Variants in PRKCQ observed in about 807,000 individuals in gnomAD.
The protein encoded by PRKCQ is protein kinase C theta.
In PRKCQ, 41 loss-of-function variants were observed where a neutral mutation model predicts 91.2. That is an observed-to-expected ratio of 0.45 (90% CI 0.35 to 0.58). The LOEUF is 0.58. Ranked by LOEUF, PRKCQ falls within the 20% of genes least tolerant of loss-of-function variation. PRKCQ has a pLI of 0.00. For synonymous variants in PRKCQ, 307 were observed against 316.9 expected, an observed-to-expected ratio of 0.97 and a Z score of 0.33; for missense variants, 673 against 896.5, an observed-to-expected ratio of 0.75 and a Z score of 3.18.
At chr10:6,528,152 C>A (rs778279986) in intron 1 of PRKCQ, among the ~76,000 whole-genome samples, 8 of 152,050 alleles carry the variant, frequency 5.3e-5, no homozygotes, top group Non-Finnish European at 8.8e-5. Flanking sequence ...TTCCTAAAAC[C>A]CTCTTTGGAA....
chr10:6,450,345 AAT>A (rs1241561096), intron 15 of PRKCQ, among the ~76,000 whole-genome samples: 3 of 135,688 alleles, frequency 2.2e-5, no homozygotes, highest in Non-Finnish European at 4.7e-5. Context: ...GCCATTACAT[AAT>A]GGTAAAGGGA....
At chr10:6,551,117 C>T (rs1840166142) in intron 1 of PRKCQ, among the ~76,000 whole-genome samples, 1 of 152,014 alleles carries the variant, frequency 6.6e-6, no homozygotes, top group Non-Finnish European at 1.5e-5. Context: ...AAGCCTGGTA[C>T]CTAATAGTTA....
rs758937187 is a variant in PRKCQ, at chr10:6,479,139, G to A, written c.1206C>T (p.Thr402=). 3 of 1,613,898 alleles carry A rather than the reference G, an allele frequency of 1.9e-6. No individual in the cohort carries two copies. Among genetic ancestry groups the A allele is most frequent in the African/African-American group, 2.7e-5 (2 of 74,896 alleles). The change falls in exon 12 of 18, where the codon ACC becomes ACT. Residue 402 remains threonine, a synonymous_variant. Transcript: ENST00000263125. ...AGGCCTTTATTGCGAAAAATTGATT[G>A]GTTTTCTTGAATTCTGCCAGGAAGA... is the stretch of plus-strand genomic sequence containing the variant. The part of the protein sequence containing the change: ...GKVFLAEFKK[T]NQFFAIKALK...
intron 1 of PRKCQ, among the ~76,000 whole-genome samples, chr10:6,568,777 C>T (rs547028939): frequency 3.3e-4 from 50 of 152,194 alleles, no homozygotes; most frequent in African/African-American, 1.1e-3. Context: ...AGATAACAGG[C>T]GTGAGCCACC....
intron 14 of PRKCQ, among the ~76,000 whole-genome samples, chr10:6,457,862 A>G (rs1266589815): frequency 6.6e-6 from 1 of 152,116 alleles, no homozygotes; most frequent in East Asian, 1.9e-4. Context: ...TTCCTTTATG[A>G]AGTGCCATTA....
At chr10:6,574,058 G>A (rs776168458) in intron 1 of PRKCQ, among the ~76,000 whole-genome samples, 4 of 152,216 alleles carry the variant, frequency 2.6e-5, no homozygotes, top group African/African-American at 4.8e-5. Context: ...GGAGGCTGCT[G>A]TGAGCTGAGA....
chr10:6,443,030 C>T (rs902964431), intron 15 of PRKCQ, among the ~76,000 whole-genome samples: 1 of 152,102 alleles, frequency 6.6e-6, no homozygotes, highest in African/African-American at 2.4e-5. Flanking sequence ...ACCTACAGCT[C>T]GATAGCGGGG....
At chr10:6,403,443 A>G in the PRKCQ span, among the ~76,000 whole-genome samples, 4 of 152,220 alleles carry the variant, frequency 2.6e-5, no homozygotes, top group African/African-American at 7.2e-5. Flanking sequence ...CCAGCTCAGC[A>G]TTCATGTCTT....
chr10:6,468,674 C>T (rs112968238), intron 12 of PRKCQ, among the ~76,000 whole-genome samples: 4 of 152,000 alleles, frequency 2.6e-5, no homozygotes, highest in Admixed American at 6.6e-5. Context: ...AGTAAACCAA[C>T]GTAATAAATT....
At chr10:6,484,640 C>T (rs1836797596) in intron 10 of PRKCQ, among the ~76,000 whole-genome samples, 1 of 152,118 alleles carries the variant, frequency 6.6e-6, no homozygotes, top group African/African-American at 2.4e-5. Context: ...CTTCCAAGGA[C>T]ACTAAGTATT....
At chr10:6,556,291 G>T (rs1840411314) in intron 1 of PRKCQ, among the ~76,000 whole-genome samples, 1 of 151,984 alleles carries the variant, frequency 6.6e-6, no homozygotes, top group Admixed American at 6.6e-5. Flanking sequence ...AACCAGCTGG[G>T]TGCAGTGGCA....
At position 6,516,509 on chromosome 10, in the gene PRKCQ, G is replaced by A. The variant is rs541492928; in HGVS notation, c.-9-1365C>T. Reference sequence around the variant, plus strand: ...GAGTTTAGAATTCCCAGGCAGGAGCGGGGCTAACAGCTGTGAGTTCTCTGG... The same window carrying A: ...GAGTTTAGAATTCCCAGGCAGGAGCAGGGCTAACAGCTGTGAGTTCTCTGG... On this transcript the variant is annotated intron_variant, in intron 1 of 17. Coordinates refer to ENST00000263125, the MANE Select transcript of PRKCQ (RefSeq NM_006257.5). Among the ~76,000 whole-genome samples the A allele has an allele frequency of 7.2e-5, 11 of 152,252 alleles. 1 individual carries two copies. The highest frequency in any genetic ancestry group is 2.4e-4 in the African/African-American group (10 of 41,546).
At position 6,561,936 on chromosome 10, in the gene PRKCQ, G is replaced by C. The variant is rs534048124; in HGVS notation, c.-10+18275C>G. Among the ~76,000 whole-genome samples the C allele has an allele frequency of 2.6e-5, 4 of 152,304 alleles. 1 individual carries two copies. The South Asian group carries it at 8.3e-4, about 32-fold the overall frequency. ...AGAGTTCAAGCAAAAAGTAAAGGGA[G>C]TTGGAGATCTGAGGTGAATAAAAGT... On this transcript the variant is annotated intron_variant, in intron 1 of 17. Transcript: ENST00000263125.
At chr10:6,529,369 C>T (rs967884000) in intron 1 of PRKCQ, among the ~76,000 whole-genome samples, 1 of 152,228 alleles carries the variant, frequency 6.6e-6, no homozygotes, top group African/African-American at 2.4e-5. Flanking sequence ...ACTCTACCAT[C>T]TTGTGACCCA....
chr10:6,501,093 A>G (rs1837886827), intron 4 of PRKCQ, among the ~76,000 whole-genome samples: 1 of 152,224 alleles, frequency 6.6e-6, no homozygotes, highest in Non-Finnish European at 1.5e-5. Flanking sequence ...ATTGTATGAT[A>G]GAGAGATATC....
At chr10:6,417,944 G>C in the PRKCQ span, among the ~76,000 whole-genome samples, 1 of 151,924 alleles carries the variant, frequency 6.6e-6, no homozygotes. Context: ...TCACCAACTC[G>C]CAGAGGCGCT....
chr10:6,451,790 T>C (rs148356443), intron 15 of PRKCQ, among the ~76,000 whole-genome samples: 4,698 of 152,244 alleles, frequency 0.031, 132 homozygotes, highest in African/African-American at 0.073. Context: ...AATCAATAAA[T>C]GTAATCCAGC....
In PRKCQ at chr10:6,478,975, C is replaced by G. The variant is rs374667407; in HGVS notation, c.1353+17G>C. ...CAGGTTAGAGGGGAGGTAGGGTTGTCGGAGCAGAAGCCATACCTTGGTCTG... is the reference window on the plus strand; with the variant it reads ...CAGGTTAGAGGGGAGGTAGGGTTGTGGGAGCAGAAGCCATACCTTGGTCTG... On this transcript the variant is annotated intron_variant, in intron 12 of 17. Coordinates refer to ENST00000263125, the MANE Select transcript of PRKCQ (RefSeq NM_006257.5). 1.7e-5 allele frequency: 27 copies of G among 1,612,216 alleles called. No individual in the cohort carries two copies. Among genetic ancestry groups the G allele is most frequent in the Non-Finnish European group, 2.1e-5 (25 of 1,178,944 alleles).
At chr10:6,423,810 G>A (rs1833059011), downstream of PRKCQ, among the ~76,000 whole-genome samples, 1 of 152,178 alleles carries the variant, frequency 6.6e-6, no homozygotes, top group South Asian at 2.1e-4. Context: ...TTCTTCAGGA[G>A]AGAGGACCTG....
Sources: gnomAD v4.1 joint callset for allele counts (sites outside exome capture counted in the v4.1 genomes callset) on GRCh38, gnomAD v4.1.1 for gene constraint, MANE v1.5 for transcripts, NCBI Gene and HGNC (gene_info 2026-07-23, HGNC 2026-07-21) for gene names.